Variants in ERAP1 observed in about 807,000 individuals in gnomAD.
The protein encoded by ERAP1 is endoplasmic reticulum aminopeptidase 1.
ERAP1 carries 86 observed loss-of-function variants against 103.7 expected under a neutral mutation model. The observed-to-expected ratio is 0.83, with a 90% CI of 0.70 to 0.99. The LOEUF is 0.99. Ranked by LOEUF, ERAP1 falls within the 50% of genes least tolerant of loss-of-function variation. The pLI, the probability that ERAP1 is intolerant of heterozygous loss-of-function variation, is 0.00. For missense variants in ERAP1, 1,009 were observed against 1,128.4 expected, an observed-to-expected ratio of 0.89 and a Z score of 1.52; for synonymous variants, 398 against 402.4, an observed-to-expected ratio of 0.99 and a Z score of 0.13.
the ERAP1 span, among the ~76,000 whole-genome samples, chr5:96,905,129 A>G: frequency 1.3e-5 from 2 of 152,210 alleles, no homozygotes; most frequent in Non-Finnish European, 2.9e-5. Context: ...AGCTGTTAAC[A>G]TTATTAGTAT....
At chr5:96,895,907 C>T in the ERAP1 span, among the ~76,000 whole-genome samples, 1 of 152,158 alleles carries the variant, frequency 6.6e-6, no homozygotes, top group South Asian at 2.1e-4. Context: ...TAGTCCAGTA[C>T]ACTATAGACA....
chr5:96,846,731 TCCA>T, the ERAP1 span, among the ~76,000 whole-genome samples: 1 of 151,866 alleles, frequency 6.6e-6, no homozygotes, highest in Non-Finnish European at 1.5e-5. Flanking sequence ...CAGCATTTTC[TCCA>T]CCATCCATTC....
chr5:96,765,168 C>G, intron 19 of ERAP1: 1 of 1,040,318 alleles, frequency 9.6e-7, no homozygotes, highest in South Asian at 1.3e-5. Context: ...GCTAATTTGC[C>G]TCTGATACAG....
At chr5:96,921,034 T>C in the ERAP1 span, among the ~76,000 whole-genome samples, 3 of 152,368 alleles carry the variant, frequency 2.0e-5, no homozygotes, top group Admixed American at 2.0e-4. Context: ...TCCCCTGATA[T>C]GTTTCTGGAT....
chr5:96,872,875 G>A, the ERAP1 span, among the ~76,000 whole-genome samples: 1 of 152,266 alleles, frequency 6.6e-6, no homozygotes, highest in African/African-American at 2.4e-5. Context: ...TAAGAGGATA[G>A]AAACATATGT....
chr5:96,890,758 C>T, the ERAP1 span, among the ~76,000 whole-genome samples: 1 of 152,118 alleles, frequency 6.6e-6, no homozygotes, highest in Non-Finnish European at 1.5e-5. Context: ...TCGATAGTTC[C>T]TGAGTCTTAC....
At chr5:96,835,080 G>C in the ERAP1 span, among the ~76,000 whole-genome samples, 1 of 152,200 alleles carries the variant, frequency 6.6e-6, no homozygotes, top group Non-Finnish European at 1.5e-5. Flanking sequence ...GCTGTTAGGC[G>C]TGTACTAGTG....
At chr5:96,791,771 T>C (rs767178925) in intron 8 of ERAP1, among the ~76,000 whole-genome samples, 1 of 152,240 alleles carries the variant, frequency 6.6e-6, no homozygotes, top group Admixed American at 6.5e-5. Context: ...TAGTACAAAG[T>C]TGATGCTCAA....
chr5:96,888,606 G>A, the ERAP1 span, among the ~76,000 whole-genome samples: 2 of 152,290 alleles, frequency 1.3e-5, no homozygotes, highest in African/African-American at 2.4e-5. Context: ...ATAAAAGTGG[G>A]TCATGAAATA....
chr5:96,856,669 G>C, the ERAP1 span, among the ~76,000 whole-genome samples: 3 of 152,022 alleles, frequency 2.0e-5, no homozygotes, highest in South Asian at 6.2e-4. Flanking sequence ...CCATTAACTG[G>C]CCTTTGGCCA....
intron 5 of ERAP1, among the ~76,000 whole-genome samples, chr5:96,794,334 G>C (rs556250080): frequency 1.2e-4 from 18 of 151,940 alleles, no homozygotes; most frequent in African/African-American, 4.3e-4. Context: ...GACTACAAGA[G>C]TGCACCTCCA....
chr5:96,771,587 C>T (rs1043568699), downstream of ERAP1: 17 of 1,337,696 alleles, frequency 1.3e-5, no homozygotes, highest in East Asian at 1.2e-4. Context: ...AGAAGGCCAT[C>T]TCCTCATACT....
chr5:96,780,313 G>T, intron 18 of ERAP1, 110 bp downstream of exon 18: 1 of 767,080 alleles, frequency 1.3e-6, no homozygotes, highest in Non-Finnish European at 2.0e-6. Flanking sequence ...ACTTCTAAAT[G>T]ACAATCCATT....
chr5:96,903,098 C>G, the ERAP1 span, among the ~76,000 whole-genome samples: 1 of 152,188 alleles, frequency 6.6e-6, no homozygotes, highest in African/African-American at 2.4e-5. Context: ...ATCTGGCTCA[C>G]TGGGCCCTTC....
At position 96,767,597 on chromosome 5, in the gene ERAP1, G is replaced by A. The variant is rs1034129420; in HGVS notation, c.2819-4369C>T. The A allele has an allele frequency of 8.1e-6, 6 of 741,454 alleles. No homozygotes were observed. The South Asian group carries it at 1.0e-4, about 12-fold the overall frequency. 45.9% of individuals were successfully genotyped at this position (741,454 alleles called of 1,614,324 possible). A position where few individuals can be genotyped will look rare whatever the true frequency, so the allele number is the denominator to read the frequency against. ...ATGCCTACTCTGTGCCTGGTACTTTGTCAAAGCATGCATATAAATGTGTGT... is the reference window on the plus strand; with the variant it reads ...ATGCCTACTCTGTGCCTGGTACTTTATCAAAGCATGCATATAAATGTGTGT... On this transcript the variant is annotated intron_variant, in intron 19 of 19. Coordinates refer to the ERAP1 transcript ENST00000296754.
At chr5:96,889,670 A>G in the ERAP1 span, among the ~76,000 whole-genome samples, 7 of 152,180 alleles carry the variant, frequency 4.6e-5, no homozygotes, top group Non-Finnish European at 7.4e-5. Flanking sequence ...TGTTCAAAAT[A>G]GGGGTCCACA....
chr5:96,810,105 C>G (rs1310701528), upstream of ERAP1, among the ~76,000 whole-genome samples: 1 of 152,208 alleles, frequency 6.6e-6, no homozygotes, highest in Admixed American at 6.5e-5. Context: ...AAAGCTCACC[C>G]TGACTCAGAC....
At chr5:96,766,104 A>G (rs1265097638) in intron 19 of ERAP1, 4 of 1,611,988 alleles carry the variant, frequency 2.5e-6, no homozygotes, top group Non-Finnish European at 2.5e-6. Flanking sequence ...AGATGACACT[A>G]TCCCACCTGA....
chr5:96,813,824 T>C, the ERAP1 span, among the ~76,000 whole-genome samples: 1 of 152,172 alleles, frequency 6.6e-6, no homozygotes. Flanking sequence ...CATAAAGAGC[T>C]AAATCATTTC....
Sources: gnomAD v4.1 joint callset for allele counts (sites outside exome capture counted in the v4.1 genomes callset) on GRCh38, gnomAD v4.1.1 for gene constraint, MANE v1.5 for transcripts, NCBI Gene and HGNC (gene_info 2026-07-23, HGNC 2026-07-21) for gene names.